The following PRIM2 variants were observed in gnomAD, a reference collection of about 807,000 sequenced individuals.
The protein encoded by PRIM2 is DNA primase subunit 2.
In PRIM2, 39 loss-of-function variants were observed where a neutral mutation model predicts 67.3. The observed-to-expected ratio is 0.58, with a 90% CI of 0.45 to 0.76. PRIM2 has a LOEUF of 0.76. Ranked by LOEUF, PRIM2 falls within the 30% of genes least tolerant of loss-of-function variation. PRIM2 has a pLI of 0.00. For synonymous variants in PRIM2, 143 were observed against 198.7 expected (o/e 0.72, Z 2.36); for missense variants, 398 against 598.7 (o/e 0.66, Z 3.50).
At chr6:57,348,461 G>GT (rs1015642685) in intron 5 of PRIM2, among the ~76,000 whole-genome samples, 66 of 152,068 alleles carry the variant, frequency 4.3e-4, no homozygotes, top group African/African-American at 8.2e-4. Flanking sequence ...ACTTGAGTTG[G>GT]TTTTTTTTAC....
chr6:57,336,627 A>C (rs1400164428), intron 5 of PRIM2, among the ~76,000 whole-genome samples: 1 of 151,962 alleles, frequency 6.6e-6, no homozygotes, highest in African/African-American at 2.4e-5. Flanking sequence ...TAAGTGAAGG[A>C]GAAATAAAAT....
At chr6:57,585,202 TAAAC>T (rs1192289958) in intron 10 of PRIM2, among the ~76,000 whole-genome samples, 1 of 152,208 alleles carries the variant, frequency 6.6e-6, no homozygotes, top group Non-Finnish European at 1.5e-5. Context: ...TAAGTGATAT[TAAAC>T]AACACACCGG....
chr6:57,620,408 A>G (rs1436100544), intron 12 of PRIM2, among the ~76,000 whole-genome samples: 4 of 152,178 alleles, frequency 2.6e-5, no homozygotes, highest in Non-Finnish European at 5.9e-5. Flanking sequence ...GGCCCTATCT[A>G]CAGCCTCCTC....
the PRIM2 span, among the ~76,000 whole-genome samples, chr6:57,280,155 T>C: frequency 1.3e-5 from 2 of 152,210 alleles, no homozygotes; most frequent in African/African-American, 2.4e-5. Flanking sequence ...TTTTCGTTTT[T>C]ATTTTTTCTC....
intron 10 of PRIM2, among the ~76,000 whole-genome samples, chr6:57,591,135 G>A (rs1376259287): frequency 6.6e-6 from 1 of 152,138 alleles, no homozygotes; most frequent in African/African-American, 2.4e-5. Flanking sequence ...GGAAGTATTT[G>A]GATCTATAGG....
intron 10 of PRIM2, among the ~76,000 whole-genome samples, chr6:57,583,445 G>A (rs1488112152): frequency 6.0e-5 from 9 of 149,780 alleles, no homozygotes; most frequent in African/African-American, 1.7e-4. Flanking sequence ...TTGTTCTTGC[G>A]ATAGTTTACT....
chr6:57,460,998 C>T (rs1490922224), intron 7 of PRIM2, among the ~76,000 whole-genome samples: 15 of 152,284 alleles, frequency 9.9e-5, no homozygotes, highest in African/African-American at 3.4e-4. Flanking sequence ...AGAAGTCTCT[C>T]ATCTCATCTC....
At chr6:57,307,995 T>A in the PRIM2 span, among the ~76,000 whole-genome samples, 2 of 152,228 alleles carry the variant, frequency 1.3e-5, no homozygotes, top group Non-Finnish European at 2.9e-5. Flanking sequence ...CTTGCTTTTT[T>A]AGTTAACATT....
In PRIM2 at chr6:57,503,487, G is replaced by A. The variant is rs1422305602; in HGVS notation, c.694-3900G>A. Among the ~76,000 whole-genome samples, 5 of 152,194 alleles carry A rather than the reference G, an allele frequency of 3.3e-5. 1 individual carries two copies. In the East Asian group the frequency reaches 5.8e-4, roughly 18 times the overall value. ...ACTATGGCTGGGTGCAGTGGCTCACGTGTACGATCCCAGCACTTTGGGAGG... is the reference window on the plus strand; with the variant it reads ...ACTATGGCTGGGTGCAGTGGCTCACATGTACGATCCCAGCACTTTGGGAGG... On this transcript the variant is annotated intron_variant, in intron 7 of 13. Transcript: ENST00000615550.
rs36186888 is a variant in PRIM2, at chr6:57,452,499, G to C, written c.694-54888G>C. On this transcript the variant is annotated intron_variant, in intron 7 of 13. Transcript: ENST00000615550. ...TTCTAACTGGTGTGAGATGGTATCT[G>C]ATTGTGGTTTTGATTTGCATTTCTC... 7.2e-5 allele frequency among the ~76,000 whole-genome samples: 11 copies of C among 152,118 alleles called. 1 individual carries two copies. The South Asian group carries it at 1.7e-3, about 23-fold the overall frequency.
intron 7 of PRIM2, among the ~76,000 whole-genome samples, chr6:57,481,484 A>C (rs1356241344): frequency 6.6e-6 from 1 of 152,108 alleles, no homozygotes; most frequent in Non-Finnish European, 1.5e-5. Context: ...TTAACCATTT[A>C]TCTGTTGAAG....
chr6:57,593,545 C>A (rs1347542525), intron 10 of PRIM2, among the ~76,000 whole-genome samples: 1 of 152,214 alleles, frequency 6.6e-6, no homozygotes, highest in Non-Finnish European at 1.5e-5. Context: ...TCAAGTGATC[C>A]ATCCGCCTCG....
At chr6:57,575,740 C>T (rs1296885206) in intron 10 of PRIM2, among the ~76,000 whole-genome samples, 1 of 151,708 alleles carries the variant, frequency 6.6e-6, no homozygotes, top group Non-Finnish European at 1.5e-5. Flanking sequence ...GACTTCAAAA[C>T]TTTGATATGC....
chr6:57,549,427 A>G (rs1172550717), intron 10 of PRIM2, among the ~76,000 whole-genome samples: 1 of 152,146 alleles, frequency 6.6e-6, no homozygotes, highest in Non-Finnish European at 1.5e-5. Flanking sequence ...AAGGAAGACT[A>G]GACTTAGTGT....
At chr6:57,373,313 T>C (rs984210560) in intron 5 of PRIM2, among the ~76,000 whole-genome samples, 2 of 152,124 alleles carry the variant, frequency 1.3e-5, no homozygotes, top group African/African-American at 4.8e-5. Flanking sequence ...TGTTTTTTTT[T>C]TTCTTGTAAA....
At chr6:57,471,460 TAAAGG>T (rs1431200920) in intron 7 of PRIM2, among the ~76,000 whole-genome samples, 1 of 151,714 alleles carries the variant, frequency 6.6e-6, no homozygotes, top group Non-Finnish European at 1.5e-5. Context: ...AAAGAGCAGT[TAAAGG>T]AGAGGAGGAA....
At chr6:57,284,687 CT>C in the PRIM2 span, among the ~76,000 whole-genome samples, 1 of 152,118 alleles carries the variant, frequency 6.6e-6, no homozygotes, top group Non-Finnish European at 1.5e-5. Flanking sequence ...AAATTACTAA[CT>C]TTTAATAAAT....
At chr6:57,327,239 G>A (rs1767897073) in intron 5 of PRIM2, among the ~76,000 whole-genome samples, 1 of 152,094 alleles carries the variant, frequency 6.6e-6, no homozygotes, top group Admixed American at 6.6e-5. Context: ...ATGCCACAAT[G>A]GGAATGTAGA....
At chr6:57,300,049 C>T in the PRIM2 span, among the ~76,000 whole-genome samples, 4 of 152,124 alleles carry the variant, frequency 2.6e-5, no homozygotes, top group East Asian at 5.8e-4. Flanking sequence ...AACTTTTCAT[C>T]GCTGTGTTTA....
Sources: gnomAD v4.1 joint callset for allele counts (sites outside exome capture counted in the v4.1 genomes callset) on GRCh38, gnomAD v4.1.1 for gene constraint, MANE v1.5 for transcripts, NCBI Gene and HGNC (gene_info 2026-07-23, HGNC 2026-07-21) for gene names.